CORIN: variants seen among roughly 807,000 people sequenced by gnomAD.
CORIN encodes atrial natriuretic peptide-converting enzyme.
A neutral mutation model predicts 125.3 loss-of-function variants in CORIN; 117 were observed. The observed-to-expected ratio is 0.93, with a 90% CI of 0.80 to 1.09. The LOEUF (loss-of-function observed/expected upper bound fraction) is 1.09, where lower values mean the gene tolerates loss of function less well. CORIN is among the 50% of genes least tolerant of loss of function. CORIN has a pLI of 0.00. For missense variants in CORIN, 1,253 were observed against 1,306.7 expected, an observed-to-expected ratio of 0.96 and a Z score of 0.63; for synonymous variants, 450 against 466.4, an observed-to-expected ratio of 0.96 and a Z score of 0.45.
At chr4:47,721,874 C>T (rs1261829982) in intron 5 of CORIN, among the ~76,000 whole-genome samples, 3 of 152,156 alleles carry the variant, frequency 2.0e-5, no homozygotes, top group Admixed American at 6.5e-5. Flanking sequence ...GTCTGGCCAT[C>T]GTTTCTTCAT....
At chr4:47,665,306 A>G in intron 10 of CORIN, 43 bp from the exon 11 acceptor site, 1 of 1,430,810 alleles carries the variant, frequency 7.0e-7, no homozygotes. Flanking sequence ...AATTTCACAT[A>G]TAAAAACAAC....
chr4:47,603,946 C>T (rs1204975634), intron 19 of CORIN, among the ~76,000 whole-genome samples: 1 of 152,062 alleles, frequency 6.6e-6, no homozygotes, highest in East Asian at 1.9e-4. Context: ...ACTTGCTTCA[C>T]AGAATGAGCA....
intron 3 of CORIN, among the ~76,000 whole-genome samples, chr4:47,785,909 CAAAAAAAAA>C (rs11313881): frequency 1.2e-5 from 1 of 80,500 alleles, no homozygotes; most frequent in Non-Finnish European, 2.4e-5. Context: ...GACTCCATCT[CAAAAAAAAA>C]AAAAAAAAAA....
chr4:47,725,508 C>A (rs1053260833), intron 5 of CORIN, among the ~76,000 whole-genome samples: 6 of 151,868 alleles, frequency 4.0e-5, no homozygotes, highest in Non-Finnish European at 8.8e-5. Context: ...GGTGCAAAAG[C>A]AATTTAATAG....
At chr4:47,647,753 A>G (rs17572617) in intron 13 of CORIN, among the ~76,000 whole-genome samples, 8,785 of 152,266 alleles carry the variant, frequency 0.058, 307 homozygotes, top group Non-Finnish European at 0.086. Context: ...TAAGATGCGA[A>G]CATGAAGTAT....
At chr4:47,833,994 C>T (rs1733225502) in intron 1 of CORIN, among the ~76,000 whole-genome samples, 1 of 151,932 alleles carries the variant, frequency 6.6e-6, no homozygotes, top group African/African-American at 2.4e-5. Context: ...TATGGAAGTT[C>T]CTCAAAAAAA....
intron 3 of CORIN, 55 bp from the exon 4 acceptor site, chr4:47,763,641 G>T (rs1729574740): frequency 6.9e-7 from 1 of 1,442,048 alleles, no homozygotes; most frequent in South Asian, 1.2e-5. Flanking sequence ...GTATATGTTT[G>T]CAAACTCATT....
At chr4:47,735,711 G>A (rs1335296887) in intron 5 of CORIN, among the ~76,000 whole-genome samples, 3 of 152,014 alleles carry the variant, frequency 2.0e-5, no homozygotes, top group Admixed American at 2.0e-4. Flanking sequence ...ACGAGGTCAG[G>A]AGATCAAGAC....
intron 19 of CORIN, among the ~76,000 whole-genome samples, chr4:47,622,669 T>C (rs10023715): frequency 0.27 from 40,916 of 152,052 alleles, 5,651 homozygotes; most frequent in Admixed American, 0.35. Flanking sequence ...TGTCTGTTCA[T>C]GTCCTTCGCC....
At chr4:47,643,014 C>T in intron 15 of CORIN, 132 bp downstream of exon 15, 1 of 1,543,666 alleles carries the variant, frequency 6.5e-7, no homozygotes, top group Admixed American at 2.0e-5. Flanking sequence ...TCAGCACTAT[C>T]AGCTTTTATA....
intron 1 of CORIN, among the ~76,000 whole-genome samples, chr4:47,828,180 C>A (rs891336791): frequency 2.6e-5 from 4 of 152,122 alleles, no homozygotes; most frequent in African/African-American, 9.7e-5. Context: ...TTCCCAATTC[C>A]TGACACAGGA....
chr4:47,595,782 A>C lies in CORIN; in HGVS notation c.3068T>G (p.Val1023Gly), dbSNP rs746356819. 9 of 1,613,416 alleles carry C rather than the reference A, an allele frequency of 5.6e-6. No homozygotes were observed. The highest frequency in any genetic ancestry group is 2.7e-5 in the African/African-American group (2 of 74,852). ...KVLGPGVYSN[V>G]SYFVEWIKRQ... The stretch of plus-strand genomic sequence containing the variant: ...TTTAATCCATTCGACGAAATATGAC[A>C]CATTACTATAAACGCCAGGCCCCAG... Residue 1023 changes from valine to glycine, a missense_variant, in exon 22 of 22, where the codon GTG becomes GGG. By Grantham distance (109) the Val-to-Gly change is moderately radical. Transcript: ENST00000273857.
At chr4:47,655,375 G>T (rs1334488595) in intron 12 of CORIN, among the ~76,000 whole-genome samples, 2 of 152,186 alleles carry the variant, frequency 1.3e-5, no homozygotes, top group East Asian at 3.9e-4. Flanking sequence ...GAATTCTTGG[G>T]GTCTCTAATT....
Position 47,786,880 on chromosome 4 carries a change from A to C in CORIN, c.254T>G (p.Leu85Trp). ...VYFKSNGSEPLVTDGEIQGSD... is the reference protein window; with the variant it reads ...VYFKSNGSEPWVTDGEIQGSD... ...CCCTTGGATTTCACCATCAGTGACC[A>C]AAGGTTCACTCCCATTTGATTTAAA... Residue 85 changes from leucine (L) to tryptophan (W), a missense_variant, in exon 3 of 22, where the codon TTG becomes TGG. By Grantham distance (61) the Leu-to-Trp change is moderately conservative. Coordinates refer to ENST00000273857, the MANE Select transcript of CORIN (RefSeq NM_006587.4). 6.2e-7 allele frequency: 1 copy of C among 1,613,832 alleles called. No homozygotes were observed. Among genetic ancestry groups the C allele is most frequent in the South Asian group, 1.1e-5 (1 of 91,068 alleles).
intron 5 of CORIN, among the ~76,000 whole-genome samples, chr4:47,693,617 T>A (rs914317780): frequency 5.9e-5 from 9 of 152,210 alleles, no homozygotes. Flanking sequence ...TTTACTTGCC[T>A]TAATGAAAAT....
chr4:47,601,323 T>C (rs1721441162), intron 20 of CORIN, among the ~76,000 whole-genome samples: 1 of 148,136 alleles, frequency 6.8e-6, no homozygotes, highest in African/African-American at 2.4e-5. Context: ...AGCAGATCTT[T>C]TTTTTTTTTT....
intron 6 of CORIN, among the ~76,000 whole-genome samples, chr4:47,688,933 T>A (rs560269914): frequency 4.6e-5 from 7 of 152,236 alleles, no homozygotes; most frequent in African/African-American, 1.7e-4. Flanking sequence ...AAGATTATTA[T>A]AGATACAGTC....
At chr4:47,816,909 A>G (rs1337421513) in intron 1 of CORIN, among the ~76,000 whole-genome samples, 2 of 152,014 alleles carry the variant, frequency 1.3e-5, no homozygotes, top group Non-Finnish European at 2.9e-5. Flanking sequence ...TTTATTTCCA[A>G]ATGTTCTTTA....
At chr4:47,640,055 A>C (rs1723176846) in intron 16 of CORIN, among the ~76,000 whole-genome samples, 1 of 152,182 alleles carries the variant, frequency 6.6e-6, no homozygotes, top group Non-Finnish European at 1.5e-5. Context: ...CCTCTATCTC[A>C]GATTTTCCTA....
Sources: allele counts gnomAD v4.1 joint callset (sites outside exome capture counted in the v4.1 genomes callset), GRCh38; gene constraint gnomAD v4.1.1; transcripts MANE v1.5; gene names NCBI Gene and HGNC (gene_info 2026-07-23, HGNC 2026-07-21).